Variants in MTHFD1L observed in about 807,000 individuals in gnomAD.
MTHFD1L encodes the protein monofunctional C1-tetrahydrofolate synthase, mitochondrial.
Under a neutral mutation model 119.5 loss-of-function variants are expected in MTHFD1L, and 81 were observed. That is an observed-to-expected ratio of 0.68 (90% CI 0.57 to 0.82). The LOEUF (loss-of-function observed/expected upper bound fraction) is 0.82. Among genes scored for constraint, MTHFD1L ranks in the 40% least tolerant of loss-of-function variants. MTHFD1L has a pLI of 0.00. For missense variants in MTHFD1L, 1,125 were observed against 1,253.4 expected, an observed-to-expected ratio of 0.90 and a Z score of 1.55; for synonymous variants, 430 against 475.2, an observed-to-expected ratio of 0.90 and a Z score of 1.24.
At position 150,882,778 on chromosome 6, in the gene MTHFD1L, T is replaced by G. The variant is rs1247232238; in HGVS notation, c.434T>G (p.Leu145Ter). 1.3e-6 allele frequency: 2 copies of G among 1,520,720 alleles called. No individual in the cohort carries two copies. The highest frequency in any genetic ancestry group is 2.9e-5 in the African/African-American group (2 of 69,018). The allele number at this position is 1,520,720 out of a possible 1,614,324, so 94.2% of individuals were successfully genotyped here. A position where few individuals can be genotyped will look rare whatever the true frequency, so the allele number is the denominator to read the frequency against. The change falls in exon 5 of 28, where the codon TTA (leucine) becomes TGA (stop). Residue 145 changes from leucine to a stop codon, truncating the protein, a stop_gained. Transcript: ENST00000367321. LOFTEE classifies it high-confidence loss of function. Reference sequence around the variant, plus strand: ...TCTCTTTAGATTATAGATGAAATCTTAAAGATCAATGAAGATACCAGAGTA... The same window carrying G: ...TCTCTTTAGATTATAGATGAAATCTGAAAGATCAATGAAGATACCAGAGTA... ...SSEAEIIDEI[L>*]KINEDTRVHG...
At chr6:150,949,172 T>G (rs753460271) in intron 16 of MTHFD1L, 39 bp downstream of exon 16, 2 of 1,544,604 alleles carry the variant, frequency 1.3e-6, no homozygotes, top group Non-Finnish European at 1.8e-6. Context: ...GATGGCCAGG[T>G]GGGGAGGCGT....
rs558314693 is a variant in MTHFD1L, at chr6:151,013,935, G to A, written c.2307+115G>A. ...CTCTTAGAAAAGTGCTGTTCTGTCCGGGCGCAGTGACTCACACCTGTAATT... is the reference window on the plus strand; with the variant it reads ...CTCTTAGAAAAGTGCTGTTCTGTCCAGGCGCAGTGACTCACACCTGTAATT... On this transcript the variant is annotated intron_variant, in intron 22 of 27. Transcript: ENST00000367321. 8.2e-4 allele frequency: 721 copies of A among 878,642 alleles called. 2 individuals are homozygous for A. The highest frequency in any genetic ancestry group is 5.0e-3 in the Middle Eastern group (22 of 4,442). The allele number at this position is 878,642 out of a possible 1,614,324, so 54.4% of individuals were successfully genotyped here.
chr6:150,976,874 G>A (rs1251909906), intron 20 of MTHFD1L, among the ~76,000 whole-genome samples: 1 of 152,212 alleles, frequency 6.6e-6, no homozygotes. Flanking sequence ...GAGCAATTTG[G>A]TGGAATTTCT....
At chr6:150,925,466 G>A (rs914060466) in intron 10 of MTHFD1L, among the ~76,000 whole-genome samples, 4 of 152,094 alleles carry the variant, frequency 2.6e-5, no homozygotes, top group African/African-American at 4.8e-5. Context: ...GTTCAGTTAC[G>A]TGCCCAATGA....
intron 8 of MTHFD1L, among the ~76,000 whole-genome samples, chr6:150,906,801 A>G (rs1785989031): frequency 6.6e-6 from 1 of 151,896 alleles, no homozygotes; most frequent in Non-Finnish European, 1.5e-5. Flanking sequence ...GTTGTTACTG[A>G]CCCTCCTCTC....
intron 26 of MTHFD1L, among the ~76,000 whole-genome samples, chr6:151,051,257 C>T (rs1280708827): frequency 2.0e-5 from 3 of 152,210 alleles, no homozygotes; most frequent in African/African-American, 7.2e-5. Context: ...TGTATGATAG[C>T]ACACCCACCA....
intron 17 of MTHFD1L, among the ~76,000 whole-genome samples, chr6:150,958,793 C>G (rs1168585237): frequency 6.6e-6 from 1 of 152,148 alleles, no homozygotes; most frequent in Non-Finnish European, 1.5e-5. Context: ...AAATGAGCAG[C>G]CTTCCGCTAT....
intron 16 of MTHFD1L, among the ~76,000 whole-genome samples, chr6:150,949,402 C>G (rs1162745058): frequency 6.6e-6 from 1 of 151,896 alleles, no homozygotes. Flanking sequence ...ATTTTCTCTT[C>G]TGTTTCTCTC....
intron 7 of MTHFD1L, among the ~76,000 whole-genome samples, chr6:150,892,766 C>T (rs1474086124): frequency 6.6e-6 from 1 of 152,158 alleles, no homozygotes; most frequent in African/African-American, 2.4e-5. Flanking sequence ...GTCTGCCTGA[C>T]GTTTGAATTG....
intron 4 of MTHFD1L, among the ~76,000 whole-genome samples, chr6:150,881,790 T>A (rs1781432479): frequency 6.6e-6 from 1 of 152,208 alleles, no homozygotes; most frequent in Non-Finnish European, 1.5e-5. Flanking sequence ...TTAGAACTGA[T>A]ACAGAGTAAG....
intron 26 of MTHFD1L, among the ~76,000 whole-genome samples, chr6:151,056,432 C>T (rs1789937509): frequency 6.6e-6 from 1 of 152,222 alleles, no homozygotes. Context: ...ACCACAGCCA[C>T]CCGGCTTTTT....
chr6:150,976,784 T>C, intron 20 of MTHFD1L, among the ~76,000 whole-genome samples: 1 of 151,716 alleles, frequency 6.6e-6, no homozygotes. Context: ...TGTAAAACAC[T>C]AAAGACTAAA....
intron 26 of MTHFD1L, among the ~76,000 whole-genome samples, chr6:151,081,506 A>AT (rs376815418): frequency 0.4 from 36,836 of 92,754 alleles, 4,847 homozygotes; most frequent in South Asian, 0.51. Flanking sequence ...TGCAAAAAAA[A>AT]AAAAAAAAAA....
intron 26 of MTHFD1L, among the ~76,000 whole-genome samples, chr6:151,043,987 C>T (rs748363454): frequency 6.6e-6 from 1 of 152,212 alleles, no homozygotes; most frequent in Non-Finnish European, 1.5e-5. Flanking sequence ...AGAAATACAA[C>T]TGATAATATT....
intron 20 of MTHFD1L, among the ~76,000 whole-genome samples, chr6:150,990,221 G>T (rs1219327787): frequency 6.6e-6 from 1 of 151,860 alleles, no homozygotes; most frequent in East Asian, 1.9e-4. Context: ...AGAGGTTGCA[G>T]TGAGCCTAGA....
intron 20 of MTHFD1L, among the ~76,000 whole-genome samples, chr6:150,981,446 C>T (rs1446558851): frequency 2.0e-5 from 3 of 152,224 alleles, no homozygotes; most frequent in Admixed American, 6.5e-5. Flanking sequence ...CAATGCCTCA[C>T]GGCACCTCAT....
At chr6:150,948,456 A>G (rs1794355143) in intron 15 of MTHFD1L, among the ~76,000 whole-genome samples, 2 of 151,368 alleles carry the variant, frequency 1.3e-5, no homozygotes, top group Non-Finnish European at 1.5e-5. Context: ...AGTAGCTGGG[A>G]TTACAGGTGC....
chr6:150,894,750 G>A lies in MTHFD1L; in HGVS notation c.780+6769G>A, dbSNP rs192051858. On this transcript the variant is annotated intron_variant, in intron 7 of 27. Transcript: ENST00000367321. ...CCTTTCTCTGTCCGTCTGTCTAAAC[G>A]GAAGGATATTCTGTGGACGCTGATT... 1.2e-3 allele frequency among the ~76,000 whole-genome samples: 178 copies of A among 152,274 alleles called. 1 individual carries two copies. Among genetic ancestry groups the A allele is most frequent in the African/African-American group, 4.2e-3 (173 of 41,548 alleles).
chr6:151,037,180 T>C (rs1786309916), intron 26 of MTHFD1L, 63 bp downstream of exon 26: 16 of 1,562,700 alleles, frequency 1.0e-5, no homozygotes, highest in Non-Finnish European at 1.4e-5. Flanking sequence ...CCTCAAATCG[T>C]TATGCTCCGC....
Sources: gnomAD v4.1 joint callset for allele counts (sites outside exome capture counted in the v4.1 genomes callset) on GRCh38, gnomAD v4.1.1 for gene constraint, MANE v1.5 for transcripts, NCBI Gene and HGNC (gene_info 2026-07-23, HGNC 2026-07-21) for gene names.